The following RBM23 variants were observed in gnomAD, a reference collection of about 807,000 sequenced individuals.
RBM23 encodes RNA binding motif protein 23.
Under a neutral mutation model 56.2 loss-of-function variants are expected in RBM23, and 53 were observed. The ratio of observed to expected loss-of-function variants is 0.94; its 90% CI spans 0.76 to 1.19. RBM23 has a LOEUF of 1.19. Ranked by LOEUF, RBM23 falls within the 50% of genes most tolerant of loss-of-function variation. The pLI is 0.00. For synonymous variants in RBM23, 197 were observed against 198.5 expected (o/e 0.99, Z 0.06); for missense variants, 642 against 590.3 (o/e 1.09, Z -0.91).
intron 1 of RBM23, among the ~76,000 whole-genome samples, chr14:22,913,564 C>A (rs566654077): frequency 2.6e-4 from 39 of 151,738 alleles, no homozygotes; most frequent in African/African-American, 9.2e-4. Context: ...GAGTTTGACA[C>A]CAACCTGACA....
intron 1 of RBM23, chr14:22,911,644 G>A (rs573701411): frequency 8.1e-6 from 2 of 245,942 alleles, no homozygotes; most frequent in East Asian, 1.7e-4. Context: ...CGGGCGCAGT[G>A]GCTCACACCT....
At chr14:22,906,140 T>C in intron 5 of RBM23, 55 bp downstream of exon 5, 1 of 1,590,236 alleles carries the variant, frequency 6.3e-7, no homozygotes, top group Non-Finnish European at 8.6e-7. Context: ...ATAGTGCATT[T>C]GTTGTTTTAT....
At chr14:22,908,695 C>T (rs568534549) in intron 3 of RBM23, 265 of 232,270 alleles carry the variant, frequency 1.1e-3, no homozygotes, top group Non-Finnish European at 1.9e-3. Flanking sequence ...GTGAGCACCG[C>T]GCCAGGTCAG....
At position 22,905,182 on chromosome 14, in the gene RBM23, T is replaced by G; in HGVS notation, c.638A>C (p.Glu213Ala). 1 of 1,614,146 alleles carries G rather than the reference T, an allele frequency of 6.2e-7. No homozygotes were observed. Among genetic ancestry groups the G allele is most frequent in the Non-Finnish European group, 8.5e-7 (1 of 1,180,028 alleles). The change falls in exon 8 of 14, where the codon GAA (glutamate) becomes GCA (alanine). Residue 213 changes from glutamate (E) to alanine (A), a missense_variant. Coordinates refer to ENST00000359890, the MANE Select transcript of RBM23 (RefSeq NM_001077351.2). ...SRRSKGIAYVEFCEIQSVPLA... is the reference protein window; with the variant it reads ...SRRSKGIAYVAFCEIQSVPLA... ...TGGCACAGACTGGATTTCACAGAATTCCACGTAGGCAATGCCCTTAGAACG... is the reference window on the plus strand; with the variant it reads ...TGGCACAGACTGGATTTCACAGAATGCCACGTAGGCAATGCCCTTAGAACG...
At position 22,902,756 on chromosome 14, in the gene RBM23, CTTTTTTT is replaced by C. The variant is rs59987550; in HGVS notation, c.931-381_931-375del. 1,414 of 460,000 alleles carry C rather than the reference CTTTTTTT, an allele frequency of 3.1e-3. 41 individuals carry two copies. Among genetic ancestry groups the C allele is most frequent in the Middle Eastern group, 7.0e-3 (6 of 856 alleles). 28.5% of individuals were successfully genotyped at this position (460,000 alleles called of 1,614,324 possible). On this transcript the variant is annotated intron_variant, in intron 10 of 13. Transcript: ENST00000359890. ...GTTCTCTATCCTAGTAAGTTTTAGT[CTTTTTTT>C]TTTTTTTTTTTTTTTTTTTTTGAGA...
At chr14:22,906,003 G>C in intron 5 of RBM23, 192 bp downstream of exon 5, 1 of 667,698 alleles carries the variant, frequency 1.5e-6, no homozygotes, top group Non-Finnish European at 2.5e-6. Flanking sequence ...TCTGGCCTCA[G>C]TCTCCCAAAG....
In RBM23 at chr14:22,895,989, G is replaced by A. The variant is rs1456998645; in HGVS notation, c.*5741C>T. 6.6e-6 allele frequency: 1 copy of A among 152,180 alleles called. No individual in the cohort carries two copies. The highest frequency in any genetic ancestry group is 6.5e-5 in the Admixed American group (1 of 15,274). The allele number at this position is 152,180 out of a possible 1,614,324, so 9.4% of individuals were successfully genotyped here. A position where few individuals can be genotyped will look rare whatever the true frequency, so the allele number is the denominator to read the frequency against. ...ACTAGGCAGGTTGTGTGTGACCCAAGACCTTGTAAGCTTGGGGCTTCAGTG... is the reference window on the plus strand; with the variant it reads ...ACTAGGCAGGTTGTGTGTGACCCAAAACCTTGTAAGCTTGGGGCTTCAGTG... On this transcript the variant is annotated 3_prime_UTR_variant, in exon 14 of 14. Transcript: ENST00000359890.
rs987382369 is a variant in RBM23 at position 22,898,150 on chromosome 14, A to G, written c.*3580T>C. On this transcript the variant is annotated 3_prime_UTR_variant, in exon 14 of 14. Coordinates refer to ENST00000359890, the MANE Select transcript of RBM23 (RefSeq NM_001077351.2). ...CCCTTCATGATATGCTCCAGGACTA[A>G]AAGTTCACAGGTCAAGCCTCTGCTT... The G allele has an allele frequency of 1.6e-4, 25 of 152,202 alleles. No homozygotes were observed. Among genetic ancestry groups the G allele is most frequent in the African/African-American group, 6.0e-4 (25 of 41,448 alleles). 9.4% of individuals were successfully genotyped at this position (152,202 alleles called of 1,614,324 possible). A position where few individuals can be genotyped will look rare whatever the true frequency, so the allele number is the denominator to read the frequency against.
Position 22,905,326 on chromosome 14 carries a change from G to T in RBM23, c.573+10C>A, listed in dbSNP as rs758052696. 6.2e-7 allele frequency: 1 copy of T among 1,614,046 alleles called. No individual in the cohort carries two copies. Among genetic ancestry groups the T allele is most frequent in the Non-Finnish European group, 8.5e-7 (1 of 1,179,968 alleles). ...AGCTACTCAGAAGAAAACTAAGGTG[G>T]GAGGGTTACCTTGCCTACAGCAGAG... On this transcript the variant is annotated intron_variant, in intron 7 of 13. Coordinates refer to ENST00000359890, the MANE Select transcript of RBM23 (RefSeq NM_001077351.2).
intron 9 of RBM23, among the ~76,000 whole-genome samples, chr14:22,904,620 C>T (rs1490378412): frequency 6.6e-6 from 1 of 151,884 alleles, no homozygotes; most frequent in East Asian, 1.9e-4. Context: ...TATAGGCGTG[C>T]ACCACCACAT....
chr14:22,911,327 C>T lies in RBM23; in HGVS notation c.66+1G>A. 1 of 1,613,206 alleles carries T rather than the reference C, an allele frequency of 6.2e-7. No individual in the cohort carries two copies. The highest frequency in any genetic ancestry group is 8.5e-7 in the Non-Finnish European group (1 of 1,179,408). On this transcript the variant is annotated splice_donor_variant, in intron 2 of 13. Coordinates refer to ENST00000359890, the MANE Select transcript of RBM23 (RefSeq NM_001077351.2). LOFTEE classifies it high-confidence loss of function. ...TCCAGGAGTGAGGTGGAAAATATTA[C>T]CTCTTCTTTTTTATAGGGAGCTTCC...
At chr14:22,913,469 A>C (rs1047872148) in intron 1 of RBM23, among the ~76,000 whole-genome samples, 2 of 151,568 alleles carry the variant, frequency 1.3e-5, no homozygotes, top group African/African-American at 4.8e-5. Context: ...AAACTTTGGG[A>C]CCAACTTTGG....
chr14:22,906,227 A>T lies in RBM23; in HGVS notation c.369T>A (p.Arg123=). The T allele has an allele frequency of 6.2e-7, 1 of 1,614,254 alleles. No individual in the cohort carries two copies. The highest frequency in any genetic ancestry group is 8.5e-7 in the Non-Finnish European group (1 of 1,180,048). Residue 123 remains arginine, a synonymous_variant, in exon 5 of 14, where the codon CGT becomes CGA. Transcript: ENST00000359890. ...SRSRDHRRED[R]VHYRSPPLAT... ...CAAGTGGAGGACTCCTGTAATGCAC[A>T]CGATCCTCACGACGATGGTCCCGAC...
intron 7 of RBM23, 43 bp downstream of exon 7, chr14:22,905,293 A>G: frequency 6.2e-7 from 1 of 1,613,944 alleles, no homozygotes; most frequent in East Asian, 2.2e-5. Context: ...AAAGGGAGAT[A>G]CAAGCTAAGC....
intron 1 of RBM23, among the ~76,000 whole-genome samples, chr14:22,914,563 T>C (rs1012174161): frequency 2.6e-5 from 4 of 152,096 alleles, no homozygotes; most frequent in African/African-American, 4.8e-5. Context: ...CGCATGAAAG[T>C]GTACACTTTA....
chr14:22,906,502 T>A (rs1459866722), intron 4 of RBM23, 134 bp from the exon 5 acceptor site: 2 of 991,924 alleles, frequency 2.0e-6, no homozygotes, highest in Non-Finnish European at 2.9e-6. Context: ...ACAGCCACTG[T>A]AATGTCGTAA....
intron 10 of RBM23, 61 bp from the exon 11 acceptor site, chr14:22,902,443 A>G: frequency 1.3e-6 from 2 of 1,566,354 alleles, no homozygotes; most frequent in Non-Finnish European, 1.7e-6. Flanking sequence ...TCAAAGACCC[A>G]GTAACACTCC....
At chr14:22,903,219 G>C (rs1453982889) in intron 10 of RBM23, 1 of 985,510 alleles carries the variant, frequency 1.0e-6, no homozygotes, top group Non-Finnish European at 1.2e-6. Flanking sequence ...CTGCTGACCA[G>C]AAGGCCTTTA....
chr14:22,909,477 A>C lies in RBM23; in HGVS notation c.179+6T>G, dbSNP rs932477469. On this transcript the variant is annotated splice_donor_region_variant and intron_variant, in intron 3 of 13. Coordinates refer to ENST00000359890, the MANE Select transcript of RBM23 (RefSeq NM_001077351.2). Reference sequence around the variant, plus strand: ...TTGCCAACCCATTTCTTCCTCCCACACTCACTTGCTTGTCTCCCCGATGGT... The same window carrying C: ...TTGCCAACCCATTTCTTCCTCCCACCCTCACTTGCTTGTCTCCCCGATGGT... 2 of 1,610,672 alleles carry C rather than the reference A, an allele frequency of 1.2e-6. No individual in the cohort carries two copies. Among genetic ancestry groups the C allele is most frequent in the South Asian group, 2.2e-5 (2 of 90,948 alleles).
Sources: allele counts gnomAD v4.1 joint callset (sites outside exome capture counted in the v4.1 genomes callset), GRCh38; gene constraint gnomAD v4.1.1; transcripts MANE v1.5; gene names NCBI Gene and HGNC (gene_info 2026-07-23, HGNC 2026-07-21).